PLCG2: variants seen among roughly 807,000 people sequenced by gnomAD.
PLCG2 encodes 1-phosphatidylinositol 4,5-bisphosphate phosphodiesterase gamma-2.
Under a neutral mutation model 175.6 loss-of-function variants are expected in PLCG2, and 69 were observed. That is an observed-to-expected ratio of 0.39 (90% CI 0.32 to 0.48). The LOEUF (loss-of-function observed/expected upper bound fraction) is 0.48. PLCG2 is among the 20% of genes least tolerant of loss of function. The probability of loss-of-function intolerance (pLI) is 0.91; values close to 1 mark genes in which losing one functional copy is unlikely to be tolerated. For synonymous variants in PLCG2, 827 were observed against 624.0 expected (o/e 1.33, Z -4.85); for missense variants, 1,798 against 1,650.9 (o/e 1.09, Z -1.54).
At chr16:81,887,168 G>A (rs1908410887) in intron 9 of PLCG2, among the ~76,000 whole-genome samples, 1 of 151,016 alleles carries the variant, frequency 6.6e-6, no homozygotes, top group African/African-American at 2.4e-5. Flanking sequence ...CACACAGGCT[G>A]GAGTACAGTG....
At chr16:81,764,123 T>A in intron 2 of PLCG2, among the ~76,000 whole-genome samples, 1 of 151,858 alleles carries the variant, frequency 6.6e-6, no homozygotes. Flanking sequence ...TGAGACCCCA[T>A]TTCTATAAAA....
chr16:81,756,591 C>T (rs1022793948), intron 2 of PLCG2, among the ~76,000 whole-genome samples: 7 of 152,238 alleles, frequency 4.6e-5, no homozygotes, highest in South Asian at 2.1e-4. Flanking sequence ...GGAGGCCAGG[C>T]ACAGAGGTGG....
At position 81,908,622 on chromosome 16, in the gene PLCG2, T is replaced by C. The variant is rs201243141; in HGVS notation, c.1733+31T>C. 42 of 1,571,056 alleles carry C rather than the reference T, an allele frequency of 2.7e-5. No individual in the cohort carries two copies. The East Asian group carries it at 9.5e-4, about 36-fold the overall frequency. On this transcript the variant is annotated intron_variant, in intron 17 of 32. Coordinates refer to ENST00000564138, the MANE Select transcript of PLCG2 (RefSeq NM_002661.5). ...GCCCCCGACCCAGGGAACGCCTACC[T>C]TCTTCTCCATGCCAACCGATGAGGC...
intron 1 of PLCG2, among the ~76,000 whole-genome samples, chr16:81,754,896 A>G (rs1211003919): frequency 6.6e-6 from 1 of 152,206 alleles, no homozygotes; most frequent in Non-Finnish European, 1.5e-5. Flanking sequence ...CTGATTCTGG[A>G]TCAGAAGCAG....
chr16:81,955,589 A>C (rs1368533747), intron 31 of PLCG2, among the ~76,000 whole-genome samples: 2 of 152,166 alleles, frequency 1.3e-5, no homozygotes, highest in Non-Finnish European at 2.9e-5. Flanking sequence ...TGTTTCAGTC[A>C]TGGCTGAATC....
chr16:81,913,401 GT>G (rs1298707677), intron 19 of PLCG2, among the ~76,000 whole-genome samples: 1 of 152,212 alleles, frequency 6.6e-6, no homozygotes, highest in African/African-American at 2.4e-5. Context: ...CCTGTGAGAG[GT>G]AGGTCTAGTT....
chr16:81,937,049 T>G (rs1256554468), intron 27 of PLCG2, among the ~76,000 whole-genome samples: 1 of 152,202 alleles, frequency 6.6e-6, no homozygotes, highest in Non-Finnish European at 1.5e-5. Context: ...TGGGACAGAA[T>G]TCTCAGAAAG....
chr16:81,909,157 G>T (rs1052250165), intron 17 of PLCG2, among the ~76,000 whole-genome samples: 2 of 152,254 alleles, frequency 1.3e-5, no homozygotes, highest in East Asian at 3.8e-4. Flanking sequence ...CAATGTCTTT[G>T]TCCTCCTGGA....
chr16:81,899,732 C>T (rs1285079510), intron 13 of PLCG2, among the ~76,000 whole-genome samples: 9 of 152,124 alleles, frequency 5.9e-5, no homozygotes, highest in Admixed American at 5.9e-4. Flanking sequence ...TGTGATGTGC[C>T]CGATGGAGAA....
intron 2 of PLCG2, among the ~76,000 whole-genome samples, chr16:81,766,353 A>G (rs1224747046): frequency 6.6e-6 from 1 of 152,014 alleles, no homozygotes; most frequent in Non-Finnish European, 1.5e-5. Flanking sequence ...TGTGCCCCCA[A>G]CCCTGCCCTC....
At chr16:81,776,134 A>T (rs1910400812), upstream of PLCG2, among the ~76,000 whole-genome samples, 1 of 19,598 alleles carries the variant, frequency 5.1e-5, no homozygotes, top group Non-Finnish European at 1.2e-4. Flanking sequence ...TTTTTGACGG[A>T]GTCTCACTCT....
intron 14 of PLCG2, among the ~76,000 whole-genome samples, chr16:81,903,609 A>G (rs1243989649): frequency 6.6e-6 from 1 of 152,180 alleles, no homozygotes. Flanking sequence ...TGTTTCGGAG[A>G]TGCCAAGGGA....
chr16:81,794,886 C>T (rs1158289637), intron 2 of PLCG2, among the ~76,000 whole-genome samples: 1 of 152,188 alleles, frequency 6.6e-6, no homozygotes, highest in Non-Finnish European at 1.5e-5. Flanking sequence ...GAGTATGTGT[C>T]CTCCACTTTG....
chr16:81,860,172 A>ATTATTATT (rs763047744), intron 5 of PLCG2, among the ~76,000 whole-genome samples: 12 of 120,610 alleles, frequency 9.9e-5, no homozygotes, highest in South Asian at 2.7e-4. Flanking sequence ...TATTATTATT[A>ATTATTATT]TTTTTTTTTT....
rs1267726195 is a variant in PLCG2 at position 81,943,325 on chromosome 16, G to A, written c.3482-2850G>A. ...AGGCCTCAGGAAATTTACAATCCTG[G>A]TAGAAGGGGAACAAGCACATATTTA... On this transcript the variant is annotated intron_variant, in intron 30 of 32. Transcript: ENST00000564138. Among the ~76,000 whole-genome samples, 11 of 152,278 alleles carry A rather than the reference G, an allele frequency of 7.2e-5. No homozygotes were observed. In the South Asian group the frequency reaches 2.1e-3, roughly 29 times the overall value.
intron 2 of PLCG2, among the ~76,000 whole-genome samples, chr16:81,841,406 A>G (rs1905823357): frequency 6.6e-6 from 1 of 151,730 alleles, no homozygotes; most frequent in Non-Finnish European, 1.5e-5. Flanking sequence ...ATGCCCAGCT[A>G]ATTTTTGTAT....
At chr16:81,911,328 C>T (rs1270113134) in intron 18 of PLCG2, among the ~76,000 whole-genome samples, 4 of 152,050 alleles carry the variant, frequency 2.6e-5, no homozygotes, top group Non-Finnish European at 5.9e-5. Context: ...CAACCCAAAA[C>T]CTTGTGAAAC....
chr16:81,908,936 G>A (rs1343737116), intron 17 of PLCG2, among the ~76,000 whole-genome samples: 1 of 152,240 alleles, frequency 6.6e-6, no homozygotes, highest in East Asian at 1.9e-4. Context: ...GCCCTGGAGT[G>A]GGTCATGTGG....
At chr16:81,906,831 A>C (rs1191435257) in intron 15 of PLCG2, among the ~76,000 whole-genome samples, 1 of 152,202 alleles carries the variant, frequency 6.6e-6, no homozygotes, top group Non-Finnish European at 1.5e-5. Context: ...CGAGGTCAGG[A>C]GATCGAGACC....
Sources: allele counts gnomAD v4.1 joint callset (sites outside exome capture counted in the v4.1 genomes callset), GRCh38; gene constraint gnomAD v4.1.1; transcripts MANE v1.5; gene names NCBI Gene and HGNC (gene_info 2026-07-23, HGNC 2026-07-21).